Variants in ZNF713 observed in about 807,000 individuals in gnomAD.
ZNF713 encodes zinc finger protein 713.
ZNF713 carries 21 observed loss-of-function variants against 28.7 expected under a neutral mutation model. The ratio of observed to expected loss-of-function variants is 0.73; its 90% confidence interval spans 0.52 to 1.05. The LOEUF (loss-of-function observed/expected upper bound fraction) is 1.05. Among genes scored for constraint, ZNF713 ranks in the 50% least tolerant of loss-of-function variants. The pLI is 0.00. For missense variants in ZNF713, 458 were observed against 532.4 expected (o/e 0.86, Z 1.37); for synonymous variants, 167 against 178.0 (o/e 0.94, Z 0.49).
intron 1 of ZNF713, among the ~76,000 whole-genome samples, chr7:55,897,165 T>C (rs2116175236): frequency 6.6e-6 from 1 of 152,084 alleles, no homozygotes; most frequent in East Asian, 1.9e-4. Context: ...CGTTAATAAT[T>C]GTTGCAGATG....
chr7:55,892,401 G>GT (rs1438350585), intron 1 of ZNF713, among the ~76,000 whole-genome samples: 1 of 151,600 alleles, frequency 6.6e-6, no homozygotes, highest in Non-Finnish European at 1.5e-5. Context: ...GGGGACTGGT[G>GT]TAGGGGTGAT....
At chr7:55,906,570 G>A (rs1785683399) in intron 2 of ZNF713, among the ~76,000 whole-genome samples, 191 bp downstream of exon 2, 1 of 152,146 alleles carries the variant, frequency 6.6e-6, no homozygotes, top group African/African-American at 2.4e-5. Context: ...GGAAAGTTCA[G>A]GTCAAGGTTT....
At chr7:55,887,997 T>C (rs1785310276) in intron 1 of ZNF713, among the ~76,000 whole-genome samples, 1 of 151,702 alleles carries the variant, frequency 6.6e-6, no homozygotes, top group South Asian at 2.1e-4. Flanking sequence ...TGGTCTTTTA[T>C]AGGAAGGTCT....
At position 55,887,600 on chromosome 7, in the gene ZNF713, CGCGGCGGCGGCGGCGGCGGCG is replaced by C. The variant is rs369789359; in HGVS notation, c.-644_-624del. The C allele has an allele frequency of 1.1e-3, 190 of 178,652 alleles. 2 individuals carry two copies. Among genetic ancestry groups the C allele is most frequent in the African/African-American group, 3.8e-3 (155 of 40,506 alleles). The allele number at this position is 178,652 out of a possible 1,614,324, so 11.1% of individuals were successfully genotyped here. A position where few individuals can be genotyped will look rare whatever the true frequency, so the allele number is the denominator to read the frequency against. On this transcript the variant is annotated 5_prime_UTR_variant, in exon 1 of 7. Transcript: ENST00000429591. ...GGCACCTTCTCCCTCCCGGGTCCAC[CGCGGCGGCGGCGGCGGCGGCG>C]GCGGCGGCGGCGGCGGCGTCAGGGG...
At chr7:55,920,268 A>T (rs917404729) in intron 4 of ZNF713, among the ~76,000 whole-genome samples, 2 of 152,258 alleles carry the variant, frequency 1.3e-5, no homozygotes, top group African/African-American at 4.8e-5. Context: ...AGCATGTCGA[A>T]TGCATTTGAA....
At chr7:55,894,474 A>G (rs1785439459) in intron 1 of ZNF713, among the ~76,000 whole-genome samples, 1 of 152,254 alleles carries the variant, frequency 6.6e-6, no homozygotes, top group African/African-American at 2.4e-5. Context: ...CTTCTGTCCC[A>G]TATATCTAAG....
chr7:55,890,578 C>A (rs2116155321), intron 1 of ZNF713, among the ~76,000 whole-genome samples: 1 of 151,974 alleles, frequency 6.6e-6, no homozygotes, highest in African/African-American at 2.4e-5. Flanking sequence ...GTTACAACAT[C>A]AAAATGAGTT....
chr7:55,934,861 C>CA (rs1180607385), intron 6 of ZNF713, among the ~76,000 whole-genome samples: 1 of 150,534 alleles, frequency 6.6e-6, no homozygotes, highest in East Asian at 1.9e-4. Context: ...GTGTAGTGTG[C>CA]AAACCCTATG....
intron 4 of ZNF713, among the ~76,000 whole-genome samples, chr7:55,921,488 C>T (rs1241725413): frequency 6.6e-6 from 1 of 152,108 alleles, no homozygotes; most frequent in Non-Finnish European, 1.5e-5. Context: ...ATTTGTGGTT[C>T]GTGAGAGGAG....
Position 55,890,309 on chromosome 7 carries a change from G to A in ZNF713, c.-583+2629G>A, listed in dbSNP as rs182823476. 1.4e-4 allele frequency among the ~76,000 whole-genome samples: 22 copies of A among 152,098 alleles called. No individual in the cohort carries two copies. In the East Asian group the frequency reaches 4.1e-3, roughly 28 times the overall value. On this transcript the variant is annotated intron_variant, in intron 1 of 6. Transcript: ENST00000429591. The stretch of plus-strand genomic sequence containing the variant: ...TAGTAAAAATACAAAAATTAGCCGG[G>A]TGTGGTGGTGGGTGCCTGTAATCCC...
In ZNF713 at chr7:55,939,530, T is replaced by A. The variant is rs1482093660; in HGVS notation, c.856T>A (p.Tyr286Asn). ...PQMLLTGEKP[Y>N]KCDECGKRFS... ...GATGTTGCTTACAGGAGAGAAGCCC[T>A]ATAAGTGTGATGAATGTGGAAAAAG... The change falls in exon 7 of 7, where the codon TAT (tyrosine) becomes AAT (asparagine). Residue 286 changes from tyrosine to asparagine, a missense_variant. Coordinates refer to ENST00000429591, the MANE Select transcript of ZNF713 (RefSeq NM_182633.3). 6.2e-7 allele frequency: 1 copy of A among 1,613,966 alleles called. No individual in the cohort carries two copies. Among genetic ancestry groups the A allele is most frequent in the African/African-American group, 1.3e-5 (1 of 75,028 alleles).
At position 55,902,313 on chromosome 7, in the gene ZNF713, AT is replaced by A. The variant is rs199717295; in HGVS notation, c.-582-3939del. On this transcript the variant is annotated intron_variant, in intron 1 of 6. Coordinates refer to ENST00000429591, the MANE Select transcript of ZNF713 (RefSeq NM_182633.3). ...TGAGATTGTACTAGTACAAAGTGTA[AT>A]AAAACTAGATGTTTATTAAACCATT... is the stretch of plus-strand genomic sequence containing the variant. 4.1e-3 allele frequency among the ~76,000 whole-genome samples: 625 copies of A among 152,376 alleles called. 11 individuals carry two copies. The highest frequency in any genetic ancestry group is 0.029 in the Admixed American group (450 of 15,300).
At chr7:55,929,015 G>A (rs895121179) in intron 6 of ZNF713, among the ~76,000 whole-genome samples, 2 of 151,116 alleles carry the variant, frequency 1.3e-5, no homozygotes, top group African/African-American at 4.9e-5. Flanking sequence ...ACACACGCCT[G>A]TAGTCCCAGC....
At chr7:55,936,264 C>CAAAAAAAAA (rs5884432) in intron 6 of ZNF713, among the ~76,000 whole-genome samples, 1 of 130,706 alleles carries the variant, frequency 7.7e-6, no homozygotes, top group East Asian at 2.2e-4. Flanking sequence ...GACTCTGTCC[C>CAAAAAAAAA]AAAAAAAAAA....
In ZNF713 at chr7:55,911,861, G is replaced by A. The variant is rs1204826669; in HGVS notation, c.-210G>A. On this transcript the variant is annotated 5_prime_UTR_variant, in exon 3 of 7. Transcript: ENST00000429591. The stretch of plus-strand genomic sequence containing the variant: ...TCCTGAGGCTCTAATCAGAGATGGG[G>A]CACCTTTAGTACCAGGGGAGTGACT... 1 of 152,120 alleles carries A rather than the reference G, an allele frequency of 6.6e-6. No homozygotes were observed. The highest frequency in any genetic ancestry group is 1.5e-5 in the Non-Finnish European group (1 of 68,030). 9.4% of individuals were successfully genotyped at this position (152,120 alleles called of 1,614,324 possible).
intron 6 of ZNF713, 61 bp downstream of exon 6, chr7:55,923,760 T>G: frequency 7.5e-7 from 1 of 1,335,842 alleles, no homozygotes; most frequent in Non-Finnish European, 1.1e-6. Flanking sequence ...TCTGAACCAC[T>G]CAGTGGAGTG....
At chr7:55,915,054 C>A (rs1785854808) in intron 4 of ZNF713, among the ~76,000 whole-genome samples, 1 of 152,192 alleles carries the variant, frequency 6.6e-6, no homozygotes, top group Non-Finnish European at 1.5e-5. Flanking sequence ...GGGGTTTCAC[C>A]ATGTTGGCCA....
chr7:55,923,478 G>C, intron 5 of ZNF713, 129 bp from the exon 6 acceptor site: 1 of 1,077,946 alleles, frequency 9.3e-7, no homozygotes, highest in South Asian at 1.6e-5. Context: ...AGTTTGAGAT[G>C]AGTGGCTTTA....
chr7:55,912,911 C>G (rs569956871), intron 4 of ZNF713, among the ~76,000 whole-genome samples, 188 bp downstream of exon 4: 84 of 152,360 alleles, frequency 5.5e-4, no homozygotes, highest in Admixed American at 2.9e-3. Flanking sequence ...TTCCCTCCTT[C>G]CAGCATTTTC....
Sources: allele counts gnomAD v4.1 joint callset (sites outside exome capture counted in the v4.1 genomes callset), GRCh38; gene constraint gnomAD v4.1.1; transcripts MANE v1.5; gene names NCBI Gene and HGNC (gene_info 2026-07-23, HGNC 2026-07-21).